The following CC2D2B variants were observed in gnomAD, a reference collection of about 807,000 sequenced individuals.
CC2D2B encodes protein CC2D2B.
A neutral mutation model predicts 161.2 loss-of-function variants in CC2D2B; 128 were observed. That is an observed-to-expected ratio of 0.79 (90% confidence interval 0.69 to 0.92). The LOEUF is 0.92. Among genes scored for constraint, CC2D2B ranks in the 40% least tolerant of loss-of-function variants. The pLI is 0.00. For synonymous variants in CC2D2B, 391 were observed against 449.8 expected (o/e 0.87, Z 1.65); for missense variants, 1,173 against 1,375.1 (o/e 0.85, Z 2.32).
chr10:95,945,214 C>T (rs2076154954), intron 9 of CC2D2B, among the ~76,000 whole-genome samples: 1 of 152,220 alleles, frequency 6.6e-6, no homozygotes, highest in Non-Finnish European at 1.5e-5. Flanking sequence ...AACAAATTGA[C>T]TAAGACAGTA....
At chr10:95,991,604 A>C (rs1032897879) in intron 21 of CC2D2B, 143 bp downstream of exon 21, 14 of 335,890 alleles carry the variant, frequency 4.2e-5, no homozygotes, top group Non-Finnish European at 6.4e-5. Context: ...ATAATGATTT[A>C]AAATATTTGG....
At chr10:95,981,398 CAAAAAAAAA>C (rs35175559) in intron 17 of CC2D2B, among the ~76,000 whole-genome samples, 1 of 88,440 alleles carries the variant, frequency 1.1e-5, no homozygotes, top group Admixed American at 1.4e-4. Context: ...GACTCCGTCT[CAAAAAAAAA>C]AAAAAAAAAA....
At chr10:95,985,502 C>T (rs760786496) in intron 19 of CC2D2B, among the ~76,000 whole-genome samples, 7 of 152,180 alleles carry the variant, frequency 4.6e-5, no homozygotes, top group Non-Finnish European at 1.0e-4. Context: ...AATCAATATT[C>T]TTGTGATTTC....
intron 2 of CC2D2B, chr10:95,920,457 C>T (rs1242813084): frequency 6.6e-6 from 1 of 152,068 alleles, no homozygotes. Flanking sequence ...AAACCACCCC[C>T]ATGATCCAGT....
intron 6 of CC2D2B, among the ~76,000 whole-genome samples, chr10:95,931,467 T>C (rs1203328854): frequency 6.6e-6 from 1 of 152,208 alleles, no homozygotes; most frequent in East Asian, 1.9e-4. Flanking sequence ...CTTTTAATTG[T>C]GATGTTAGGG....
intron 9 of CC2D2B, 120 bp from the exon 10 acceptor site, chr10:95,949,772 TTTTG>T: frequency 2.5e-6 from 1 of 395,928 alleles, no homozygotes; most frequent in Non-Finnish European, 4.4e-6. Flanking sequence ...AATTATTATT[TTTTG>T]TTTTTCTATA....
At chr10:95,986,466 A>G (rs905295150) in intron 19 of CC2D2B, among the ~76,000 whole-genome samples, 27 of 151,624 alleles carry the variant, frequency 1.8e-4, no homozygotes, top group African/African-American at 6.5e-4. Context: ...TTCAGACATC[A>G]GAAAAGAAAT....
At chr10:96,019,500 G>A (rs1193486077) in intron 31 of CC2D2B, 163 bp downstream of exon 31, 2 of 822,286 alleles carry the variant, frequency 2.4e-6, no homozygotes, top group Non-Finnish European at 3.9e-6. Context: ...AGGTGATTGT[G>A]TAGTGCCTTC....
At chr10:95,973,541 A>G (rs1020169857) in intron 16 of CC2D2B, among the ~76,000 whole-genome samples, 4 of 151,912 alleles carry the variant, frequency 2.6e-5, no homozygotes, top group African/African-American at 9.7e-5. Flanking sequence ...CTTAGAGAGG[A>G]GATGAGGGAG....
chr10:95,995,762 G>A (rs766046175), intron 23 of CC2D2B, among the ~76,000 whole-genome samples: 2 of 152,168 alleles, frequency 1.3e-5, no homozygotes, highest in Non-Finnish European at 2.9e-5. Context: ...CAAAGCACAC[G>A]CTCAAGCAAT....
chr10:95,968,674 A>T, intron 14 of CC2D2B, 50 bp from the exon 15 acceptor site: 1 of 697,802 alleles, frequency 1.4e-6, no homozygotes. Flanking sequence ...ACAATATGTT[A>T]TGTCTGTTGT....
rs940895226 is a variant in CC2D2B at position 95,922,094 on chromosome 10, C to T, written c.97+18C>T. 7 of 1,324,244 alleles carry T rather than the reference C, an allele frequency of 5.3e-6. No individual in the cohort carries two copies. In the African/African-American group the frequency reaches 1.0e-4, roughly 19 times the overall value. The allele number at this position is 1,324,244 out of a possible 1,614,324, so 82.0% of individuals were successfully genotyped here. On this transcript the variant is annotated intron_variant, in intron 3 of 34. Transcript: ENST00000646931. The stretch of plus-strand genomic sequence containing the variant: ...CCAAAAAGGTTCTCAATAAGTATAC[C>T]ATAACTCTGATACTCTTCATTTTTA...
rs190876314 is a variant in CC2D2B at position 95,941,902 on chromosome 10, T to C, written c.801+2977T>C. On this transcript the variant is annotated intron_variant, in intron 9 of 34. Coordinates refer to ENST00000646931, the MANE Select transcript of CC2D2B (RefSeq NM_001349008.3). ...AGTGATATTTGCATTCCCATGTTCA[T>C]TGCAGCATTATTCACAATAGCCAAG... Among the ~76,000 whole-genome samples, 40 of 152,326 alleles carry C rather than the reference T, an allele frequency of 2.6e-4. No individual in the cohort carries two copies. In the East Asian group the frequency reaches 6.7e-3, roughly 26 times the overall value.
chr10:95,970,135 A>G (rs2077073177), intron 15 of CC2D2B, among the ~76,000 whole-genome samples: 1 of 151,812 alleles, frequency 6.6e-6, no homozygotes, highest in South Asian at 2.1e-4. Context: ...CCTGGGTTCA[A>G]CCAATTCTCC....
intron 29 of CC2D2B, among the ~76,000 whole-genome samples, chr10:96,015,933 G>A (rs751388691): frequency 6.6e-6 from 1 of 152,026 alleles, no homozygotes; most frequent in Non-Finnish European, 1.5e-5. Context: ...TCCCATTTTG[G>A]GTATAAATTG....
intron 19 of CC2D2B, among the ~76,000 whole-genome samples, chr10:95,986,629 C>T (rs2077739383): frequency 6.6e-6 from 1 of 152,054 alleles, no homozygotes; most frequent in Non-Finnish European, 1.5e-5. Context: ...TGGAGTCTCA[C>T]TTTGTCGCAC....
intron 1 of CC2D2B, among the ~76,000 whole-genome samples, chr10:95,910,565 G>C (rs1590285194): frequency 6.6e-6 from 1 of 152,104 alleles, no homozygotes. Flanking sequence ...CAACCATGAG[G>C]TATCCACCCC....
chr10:95,995,803 C>A (rs975831179), intron 23 of CC2D2B, among the ~76,000 whole-genome samples: 7 of 152,218 alleles, frequency 4.6e-5, no homozygotes, highest in African/African-American at 1.7e-4. Context: ...CTTATTGTCA[C>A]CCCCAAAAGT....
intron 1 of CC2D2B, among the ~76,000 whole-genome samples, chr10:95,909,963 A>T (rs1305477589): frequency 6.6e-6 from 1 of 152,202 alleles, no homozygotes; most frequent in East Asian, 1.9e-4. Context: ...CCTGAGCAAC[A>T]CAGCGAGACC....
Sources: gnomAD v4.1 joint callset for allele counts (sites outside exome capture counted in the v4.1 genomes callset) on GRCh38, gnomAD v4.1.1 for gene constraint, MANE v1.5 for transcripts, NCBI Gene and HGNC (gene_info 2026-07-23, HGNC 2026-07-21) for gene names.